Variants in SPMIP2 observed in about 807,000 individuals in gnomAD.
SPMIP2 encodes the protein sperm microtubule inner protein 2.
At chr4:159,034,960 T>C in the SPMIP2 span, 1 of 1,080,406 alleles carries the variant, frequency 9.3e-7, no homozygotes, top group South Asian at 1.4e-5. Flanking sequence ...ATATCCATTA[T>C]ATAAAAATCA....
chr4:159,063,182 TA>T, the SPMIP2 span, among the ~76,000 whole-genome samples: 2 of 152,066 alleles, frequency 1.3e-5, no homozygotes, highest in Non-Finnish European at 2.9e-5. Flanking sequence ...GAGAAGACAC[TA>T]AGCAAAAATA....
chr4:158,919,309 A>G, the SPMIP2 span, among the ~76,000 whole-genome samples: 2 of 152,234 alleles, frequency 1.3e-5, no homozygotes, highest in Non-Finnish European at 2.9e-5. Context: ...TTGCAAAAGA[A>G]TCCAGTTCAG....
At chr4:158,958,125 A>T in the SPMIP2 span, among the ~76,000 whole-genome samples, 1 of 151,970 alleles carries the variant, frequency 6.6e-6, no homozygotes, top group Admixed American at 6.6e-5. Context: ...CAGCCCCCTC[A>T]GTAGCTGGGA....
chr4:158,963,990 C>T, the SPMIP2 span, among the ~76,000 whole-genome samples: 1 of 152,004 alleles, frequency 6.6e-6, no homozygotes, highest in East Asian at 1.9e-4. Flanking sequence ...CCCAGCTCTA[C>T]TAAAAATACA....
the SPMIP2 span, among the ~76,000 whole-genome samples, chr4:159,043,698 T>C: frequency 1.3e-5 from 2 of 152,226 alleles, no homozygotes; most frequent in East Asian, 1.9e-4. Flanking sequence ...AATTACTATG[T>C]AGTCTTCCAT....
At chr4:158,995,855 CAAAAAAAA>C in the SPMIP2 span, among the ~76,000 whole-genome samples, 94 of 70,774 alleles carry the variant, frequency 1.3e-3, no homozygotes, top group Non-Finnish European at 2.1e-3. Flanking sequence ...GACTCCATCT[CAAAAAAAA>C]AAAAAAAAAA....
chr4:158,918,665 A>C, the SPMIP2 span, among the ~76,000 whole-genome samples: 2 of 152,242 alleles, frequency 1.3e-5, no homozygotes, highest in African/African-American at 4.8e-5. Flanking sequence ...GAAGCAATAG[A>C]AAGTTAAAAA....
the SPMIP2 span, among the ~76,000 whole-genome samples, chr4:159,078,842 G>C: frequency 1.3e-5 from 2 of 152,214 alleles, no homozygotes; most frequent in Admixed American, 1.3e-4. Flanking sequence ...TGGAGGCCAG[G>C]CATGGTGGCT....
the SPMIP2 span, among the ~76,000 whole-genome samples, chr4:158,913,685 C>T: frequency 2.2e-3 from 335 of 151,860 alleles, 2 homozygotes; most frequent in African/African-American, 7.7e-3. Flanking sequence ...GCCTGTAGAC[C>T]ATTTATTCCA....
At chr4:159,035,376 A>G in the SPMIP2 span, among the ~76,000 whole-genome samples, 5 of 152,328 alleles carry the variant, frequency 3.3e-5, no homozygotes, top group East Asian at 9.6e-4. Flanking sequence ...AAGTCAGAAT[A>G]CACTTGTTCA....
chr4:158,955,038 A>G, the SPMIP2 span, among the ~76,000 whole-genome samples: 1 of 152,212 alleles, frequency 6.6e-6, no homozygotes, highest in Non-Finnish European at 1.5e-5. Flanking sequence ...ATATGAAAAC[A>G]AATCATCAGG....
chr4:159,019,313 A>AAAAT, the SPMIP2 span, among the ~76,000 whole-genome samples: 6 of 150,324 alleles, frequency 4.0e-5, no homozygotes, highest in African/African-American at 1.5e-4. Context: ...AAAAAAAAAA[A>AAAAT]AGCAAACCAT....
At chr4:159,069,891 T>C in the SPMIP2 span, among the ~76,000 whole-genome samples, 10 of 152,272 alleles carry the variant, frequency 6.6e-5, no homozygotes, top group South Asian at 2.1e-3. Context: ...CTTCCACCTG[T>C]CTCTCGAAGT....
At chr4:159,020,962 C>T in the SPMIP2 span, among the ~76,000 whole-genome samples, 1 of 152,146 alleles carries the variant, frequency 6.6e-6, no homozygotes, top group Non-Finnish European at 1.5e-5. Context: ...GGGGTTTCAC[C>T]GTATTAGCCA....
At chr4:158,942,445 A>C in the SPMIP2 span, among the ~76,000 whole-genome samples, 1 of 152,192 alleles carries the variant, frequency 6.6e-6, no homozygotes, top group Non-Finnish European at 1.5e-5. Context: ...TAAGTATCCA[A>C]ACCCAGCATC....
chr4:159,025,632 A>T, the SPMIP2 span, among the ~76,000 whole-genome samples: 2 of 152,208 alleles, frequency 1.3e-5, no homozygotes, highest in African/African-American at 4.8e-5. Context: ...TTAAGAAAAA[A>T]AAAGAATTTT....
At chr4:158,957,303 A>G in the SPMIP2 span, among the ~76,000 whole-genome samples, 1 of 152,298 alleles carries the variant, frequency 6.6e-6, no homozygotes, top group East Asian at 1.9e-4. Flanking sequence ...TCTGATCCTC[A>G]TCTCACTACT....
the SPMIP2 span, among the ~76,000 whole-genome samples, chr4:159,028,435 A>G: frequency 6.6e-6 from 1 of 152,102 alleles, no homozygotes; most frequent in Non-Finnish European, 1.5e-5. Context: ...GGCCCAAGCT[A>G]TCCTCTGGCT....
the SPMIP2 span, among the ~76,000 whole-genome samples, chr4:158,979,789 G>GTTTTTTTTTTT: frequency 3.8e-5 from 4 of 104,510 alleles, 1 homozygote; most frequent in African/African-American, 1.7e-4. Context: ...AGTTGCAAGA[G>GTTTTTTTTTTT]TTTTTTTTTT....
Sources: allele counts gnomAD v4.1 joint callset (sites outside exome capture counted in the v4.1 genomes callset), GRCh38; gene constraint gnomAD v4.1.1; transcripts MANE v1.5; gene names NCBI Gene and HGNC (gene_info 2026-07-23, HGNC 2026-07-21).